Variants in CDKN2A observed in about 807,000 individuals in gnomAD.
The protein encoded by CDKN2A is cyclin dependent kinase inhibitor 2A.
In CDKN2A, 3 loss-of-function variants were observed where a neutral mutation model predicts 11.1. The ratio of observed to expected loss-of-function variants is 0.27; its 90% CI spans 0.12 to 0.70. The LOEUF is 0.70. Among genes scored for constraint, CDKN2A ranks in the 30% least tolerant of loss-of-function variants. The probability of loss-of-function intolerance (pLI) is 0.77; values close to 1 mark genes in which losing one functional copy is unlikely to be tolerated. For missense variants in CDKN2A, 265 were observed against 233.6 expected (o/e 1.13, Z -0.88); for synonymous variants, 122 against 108.1 (o/e 1.13, Z -0.80).
intron 2 of CDKN2A, among the ~76,000 whole-genome samples, chr9:21,993,643 C>T (rs1169693659): frequency 6.6e-6 from 1 of 152,182 alleles, no homozygotes; most frequent in African/African-American, 2.4e-5. Flanking sequence ...GCCTGCGTGC[C>T]CCGTATCTCA....
At chr9:21,979,745 G>A (rs1405341825), upstream of CDKN2A, among the ~76,000 whole-genome samples, 1 of 152,180 alleles carries the variant, frequency 6.6e-6, no homozygotes, top group Non-Finnish European at 1.5e-5. Flanking sequence ...GGTTGAGTAA[G>A]ACTCAGACAG....
chr9:21,970,016 T>C (rs1224817500), intron 2 of CDKN2A, among the ~76,000 whole-genome samples: 1 of 152,130 alleles, frequency 6.6e-6, no homozygotes, highest in Non-Finnish European at 1.5e-5. Flanking sequence ...TTCAAGGTCA[T>C]GTTTTACCTT....
chr9:21,975,879 T>C (rs1046566133), upstream of CDKN2A, among the ~76,000 whole-genome samples: 3 of 152,194 alleles, frequency 2.0e-5, no homozygotes, highest in African/African-American at 7.2e-5. Context: ...TCTTTCCTAC[T>C]GAAAATACCT....
In CDKN2A at chr9:21,968,520, G is replaced by C; in HGVS notation, c.458-278C>G. ...CAGAGAAAGCGCGACCGCGCGGCCC[G>C]CAGGGTTGCAAGAAGAAAACGAGTG... On this transcript the variant is annotated intron_variant, in intron 2 of 2. Transcript: ENST00000304494. This position sits in a 1 kb window ranked among gnomAD's most constrained non-coding sequence, Gnocchi z 4.7. The C allele has an allele frequency of 1.4e-6, 2 of 1,450,652 alleles. No homozygotes were observed. Among genetic ancestry groups the C allele is most frequent in the Non-Finnish European group, 1.8e-6 (2 of 1,109,042 alleles). The allele number at this position is 1,450,652 out of a possible 1,614,324, so 89.9% of individuals were successfully genotyped here. A position where few individuals can be genotyped will look rare whatever the true frequency, so the allele number is the denominator to read the frequency against.
rs2131083079 is a variant in CDKN2A, at chr9:21,968,846, C to T, written c.458-604G>A. On this transcript the variant is annotated intron_variant, in intron 2 of 2. Coordinates refer to ENST00000304494, the MANE Select transcript of CDKN2A (RefSeq NM_000077.5). The surrounding 1 kb of genome is among the most constrained non-coding windows in gnomAD (Gnocchi z 4.7). ...CCTCTCTAATCTCGTTGCGTATGGGCTCCAGCTCGCCGTTCGGTTCTCCCG... is the reference window on the plus strand; with the variant it reads ...CCTCTCTAATCTCGTTGCGTATGGGTTCCAGCTCGCCGTTCGGTTCTCCCG... The T allele has an allele frequency of 1.4e-6, 2 of 1,436,828 alleles. No individual in the cohort carries two copies. Among genetic ancestry groups the T allele is most frequent in the Non-Finnish European group, 1.9e-6 (2 of 1,056,770 alleles). The allele number at this position is 1,436,828 out of a possible 1,614,324, so 89.0% of individuals were successfully genotyped here. A position where few individuals can be genotyped will look rare whatever the true frequency, so the allele number is the denominator to read the frequency against.
intron 2 of CDKN2A, among the ~76,000 whole-genome samples, chr9:21,980,376 G>A (rs938524440): frequency 1.3e-5 from 2 of 152,188 alleles, no homozygotes; most frequent in Non-Finnish European, 2.9e-5. Flanking sequence ...TGTTACCTGT[G>A]AGGTAAGGAA....
chr9:21,973,975 C>T (rs1819899475), intron 1 of CDKN2A, among the ~76,000 whole-genome samples: 1 of 152,134 alleles, frequency 6.6e-6, no homozygotes, highest in Admixed American at 6.5e-5. Context: ...ACTACAACCT[C>T]AGCCTCCCGG....
At chr9:21,971,234 A>G (rs2131097073) in intron 1 of CDKN2A, 26 bp from the exon 2 acceptor site, 1 of 1,591,476 alleles carries the variant, frequency 6.3e-7, no homozygotes, top group Non-Finnish European at 8.5e-7. Context: ...GAATGGTCAG[A>G]GCCAGGGTGG....
chr9:21,979,912 A>G (rs777174086), intron 2 of CDKN2A, among the ~76,000 whole-genome samples: 2 of 152,230 alleles, frequency 1.3e-5, no homozygotes, highest in Non-Finnish European at 2.9e-5. Flanking sequence ...AAGACTAGTC[A>G]TAATAGATGT....
At position 21,994,236 on chromosome 9, in the gene CDKN2A, C is replaced by G; in HGVS notation, c.-175-183G>C. 6.2e-7 allele frequency: 1 copy of G among 1,606,288 alleles called. No homozygotes were observed. The highest frequency in any genetic ancestry group is 8.5e-7 in the Non-Finnish European group (1 of 1,179,238). The stretch of plus-strand genomic sequence containing the variant: ...CGGGCGCCCCTGGCGCTGCCCACTC[C>G]CCCGTGAGCCGCGGGATGTGAACCA... On this transcript the variant is annotated intron_variant, in intron 1 of 3. Coordinates refer to the CDKN2A transcript ENST00000494262.
intron 2 of CDKN2A, among the ~76,000 whole-genome samples, chr9:21,985,697 T>A (rs1040016702): frequency 1.3e-5 from 2 of 151,924 alleles, no homozygotes; most frequent in Non-Finnish European, 2.9e-5. Context: ...CTGCTTAATA[T>A]CTCTTTAATG....
At position 21,968,265 on chromosome 9, in the gene CDKN2A, A is replaced by G. The variant is rs1819506327; in HGVS notation, c.458-23T>C. 1 of 1,613,782 alleles carries G rather than the reference A, an allele frequency of 6.2e-7. No individual in the cohort carries two copies. The highest frequency in any genetic ancestry group is 1.3e-5 in the African/African-American group (1 of 75,026). ...TGTCTGCAGAGGGCAGAAAGAAAAC[A>G]GGCGTTAGAAACCTGAGGTCAAAGA... is the stretch of plus-strand genomic sequence containing the variant. On this transcript the variant is annotated intron_variant, in intron 2 of 2. Coordinates refer to ENST00000304494, the MANE Select transcript of CDKN2A (RefSeq NM_000077.5). This position sits in a 1 kb window ranked among gnomAD's most constrained non-coding sequence, Gnocchi z 4.7.
chr9:21,970,783 G>T (rs866777809), intron 2 of CDKN2A, 119 bp downstream of exon 2: 5 of 1,275,030 alleles, frequency 3.9e-6, no homozygotes, highest in South Asian at 2.5e-5. Flanking sequence ...ACCGATTGGC[G>T]CGTGAGCTGA....
rs1819911020 is a variant in CDKN2A, at chr9:21,974,182, G to A, written c.150+496C>T. The stretch of plus-strand genomic sequence containing the variant: ...AAGGGATTACAAGGCGTGAGGCACC[G>A]CGCCCGGCCGCTTCTGAATAATTTC... On this transcript the variant is annotated intron_variant, in intron 1 of 2. Coordinates refer to ENST00000304494, the MANE Select transcript of CDKN2A (RefSeq NM_000077.5). This position sits in a 1 kb window ranked among gnomAD's most constrained non-coding sequence, Gnocchi z 5.2. 6.6e-6 allele frequency among the ~76,000 whole-genome samples: 1 copy of A among 152,144 alleles called. No individual in the cohort carries two copies. The highest frequency in any genetic ancestry group is 1.5e-5 in the Non-Finnish European group (1 of 68,028).
intron 2 of CDKN2A, among the ~76,000 whole-genome samples, chr9:21,990,218 C>T (rs959142582): frequency 2.6e-5 from 4 of 152,046 alleles, no homozygotes; most frequent in African/African-American, 2.4e-5. Context: ...TGACCAGAGG[C>T]CTAACACGAG....
chr9:21,985,446 G>GAC (rs200739922), intron 2 of CDKN2A, among the ~76,000 whole-genome samples: 2 of 151,668 alleles, frequency 1.3e-5, no homozygotes, highest in Non-Finnish European at 3.0e-5. Context: ...TCATCACACA[G>GAC]ACACACACAC....
upstream of CDKN2A, among the ~76,000 whole-genome samples, chr9:21,976,451 C>G (rs1820033523): frequency 6.6e-6 from 1 of 151,500 alleles, no homozygotes; most frequent in African/African-American, 2.4e-5. Context: ...TGCGGTGGCT[C>G]ACGTCTATAA....
upstream of CDKN2A, chr9:21,974,858 C>T (rs730881676): frequency 1.3e-4 from 197 of 1,517,710 alleles, no homozygotes; most frequent in African/African-American, 2.2e-3. The surrounding 1 kb of genome is among the most constrained non-coding windows in gnomAD (Gnocchi z 5.2). Flanking sequence ...GCCTGCTCTC[C>T]CCCTCTCCGC....
chr9:21,976,344 C>T (rs1344659510), upstream of CDKN2A, among the ~76,000 whole-genome samples: 1 of 145,308 alleles, frequency 6.9e-6, no homozygotes, highest in Non-Finnish European at 1.5e-5. Flanking sequence ...GCGCCACCAC[C>T]CTCCAGCCTG....
Sources: gnomAD v4.1 joint callset for allele counts (sites outside exome capture counted in the v4.1 genomes callset) on GRCh38, gnomAD v4.1.1 for gene constraint, Gnocchi (gnomAD v3.1) non-coding constraint, MANE v1.5 for transcripts, NCBI Gene and HGNC (gene_info 2026-07-23, HGNC 2026-07-21) for gene names.